The following BARX2 variants were observed in gnomAD, a reference collection of about 807,000 sequenced individuals.
The protein encoded by BARX2 is homeobox protein BarH-like 2.
A neutral mutation model predicts 25.5 loss-of-function variants in BARX2; 11 were observed. That is an observed-to-expected ratio of 0.43 (90% CI 0.27 to 0.71). The LOEUF is 0.71. BARX2 is among the 30% of genes least tolerant of loss of function. The probability of loss-of-function intolerance (pLI) is 0.19; values close to 1 mark genes in which losing one functional copy is unlikely to be tolerated. For missense variants in BARX2, 360 were observed against 359.9 expected, an observed-to-expected ratio of 1.00 and a Z score of 0.00; for synonymous variants, 137 against 149.5, an observed-to-expected ratio of 0.92 and a Z score of 0.61.
chr11:129,382,796 A>T (rs1861581530), intron 1 of BARX2, among the ~76,000 whole-genome samples: 1 of 152,094 alleles, frequency 6.6e-6, no homozygotes, highest in Non-Finnish European at 1.5e-5. Flanking sequence ...TTTCCCCGAG[A>T]ACTTGCTAAA....
chr11:129,448,836 CAT>C (rs1001377276), intron 3 of BARX2, among the ~76,000 whole-genome samples: 1 of 152,208 alleles, frequency 6.6e-6, no homozygotes, highest in Non-Finnish European at 1.5e-5. Context: ...ACGAACAAAA[CAT>C]AGTATATCCA....
intron 1 of BARX2, among the ~76,000 whole-genome samples, chr11:129,428,754 A>G (rs978517336): frequency 6.6e-6 from 1 of 152,178 alleles, no homozygotes; most frequent in Non-Finnish European, 1.5e-5. Context: ...TCAAATACCA[A>G]GAGCTCAAGA....
chr11:129,428,875 G>A (rs1013948027), intron 1 of BARX2, among the ~76,000 whole-genome samples: 26 of 152,186 alleles, frequency 1.7e-4, no homozygotes, highest in African/African-American at 2.4e-5. Context: ...TCACGGGGGC[G>A]CTCTCAGCCA....
intron 1 of BARX2, among the ~76,000 whole-genome samples, chr11:129,391,270 T>G (rs1055029521): frequency 6.6e-6 from 1 of 152,212 alleles, no homozygotes; most frequent in Non-Finnish European, 1.5e-5. Context: ...AAGCGGAACA[T>G]TTCGTGACCT....
At chr11:129,439,785 T>C (rs1862234846) in intron 2 of BARX2, among the ~76,000 whole-genome samples, 1 of 152,214 alleles carries the variant, frequency 6.6e-6, no homozygotes. Flanking sequence ...TAGCATATAA[T>C]TGAGAGCCTC....
At chr11:129,413,830 G>A (rs1230756049) in intron 1 of BARX2, among the ~76,000 whole-genome samples, 1 of 152,132 alleles carries the variant, frequency 6.6e-6, no homozygotes, top group African/African-American at 2.4e-5. Context: ...TTGGGAGGCC[G>A]AGGCAGGCGG....
intron 1 of BARX2, among the ~76,000 whole-genome samples, chr11:129,428,175 CTG>C (rs781157163): frequency 6.6e-6 from 1 of 152,204 alleles, no homozygotes; most frequent in African/African-American, 2.4e-5. Context: ...TCAACTAAAA[CTG>C]TGTGTTTAAA....
intron 1 of BARX2, among the ~76,000 whole-genome samples, chr11:129,420,550 G>A (rs1377844501): frequency 6.6e-6 from 1 of 152,188 alleles, no homozygotes; most frequent in Non-Finnish European, 1.5e-5. Flanking sequence ...TGTGTTATTA[G>A]CTATAAATCA....
intron 1 of BARX2, among the ~76,000 whole-genome samples, chr11:129,397,500 AC>A (rs1221510142): frequency 6.6e-6 from 1 of 152,224 alleles, no homozygotes; most frequent in Non-Finnish European, 1.5e-5. Flanking sequence ...ATTAAATTTA[AC>A]CCTTAAATGA....
chr11:129,423,459 G>T (rs955369276), intron 1 of BARX2, among the ~76,000 whole-genome samples: 2 of 152,100 alleles, frequency 1.3e-5, no homozygotes, highest in South Asian at 2.1e-4. Context: ...ATGTAATCAG[G>T]AACTTGCCTG....
In BARX2 at chr11:129,376,165, C is replaced by G. The variant is rs1861501357; in HGVS notation, c.130C>G (p.Leu44Val). 3.1e-6 allele frequency: 5 copies of G among 1,613,596 alleles called. No homozygotes were observed. Among genetic ancestry groups the G allele is most frequent in the Non-Finnish European group, 4.2e-6 (5 of 1,179,756 alleles). Residue 44 changes from leucine to valine, a missense_variant, in exon 1 of 4, where the codon CTC (leucine) becomes GTC (valine). By Grantham distance (32) the Leu-to-Val change is conservative (BLOSUM62 1). Around this residue, in one of 3 missense-constraint regions of BARX2, gnomAD observed 240 missense variants for 228.7 expected, o/e 1.05. Transcript: ENST00000281437. This position sits in a 1 kb window ranked among gnomAD's most constrained non-coding sequence, Gnocchi z 4.2. The stretch of plus-strand genomic sequence containing the variant: ...CTGCGATTACTTTGAGAAACTTTCC[C>G]TCTACTCCGTGTGCCCGTCGCTGGT... ...ETCDYFEKLS[L>V]YSVCPSLVVR...
At chr11:129,382,673 A>G (rs2323587) in intron 1 of BARX2, among the ~76,000 whole-genome samples, 122,915 of 152,010 alleles carry the variant, frequency 0.81, 50,104 homozygotes, top group Admixed American at 0.89. Flanking sequence ...ATAAATTAAC[A>G]CCTCATTTTG....
chr11:129,383,807 C>T (rs1343597436), intron 1 of BARX2, among the ~76,000 whole-genome samples: 1 of 152,168 alleles, frequency 6.6e-6, no homozygotes, highest in Non-Finnish European at 1.5e-5. Flanking sequence ...TCCAGCTTAC[C>T]AACATGTCCT....
intron 1 of BARX2, among the ~76,000 whole-genome samples, chr11:129,400,250 G>A (rs1401947429): frequency 6.6e-6 from 1 of 152,080 alleles, no homozygotes. Flanking sequence ...AGTAGTAAAG[G>A]GGTACAAACA....
At chr11:129,421,159 A>G (rs964791893) in intron 1 of BARX2, among the ~76,000 whole-genome samples, 2 of 152,166 alleles carry the variant, frequency 1.3e-5, no homozygotes, top group Non-Finnish European at 1.5e-5. Context: ...TTGCGAACCG[A>G]TGTGCATTGT....
intron 1 of BARX2, among the ~76,000 whole-genome samples, chr11:129,402,946 A>G (rs564210512): frequency 2.6e-5 from 4 of 152,364 alleles, no homozygotes; most frequent in African/African-American, 7.2e-5. Context: ...TGAGGAGCCA[A>G]ACAGCACACA....
At chr11:129,386,424 C>A (rs1861616902) in intron 1 of BARX2, among the ~76,000 whole-genome samples, 1 of 152,148 alleles carries the variant, frequency 6.6e-6, no homozygotes, top group African/African-American at 2.4e-5. Context: ...AGCTTCTTAG[C>A]AGGAAAGAAT....
At chr11:129,402,353 G>A (rs946638999) in intron 1 of BARX2, among the ~76,000 whole-genome samples, 2 of 152,072 alleles carry the variant, frequency 1.3e-5, no homozygotes, top group African/African-American at 4.8e-5. Context: ...CACTACACAG[G>A]ATTGTTATGA....
At chr11:129,394,245 T>TA (rs758271594) in intron 1 of BARX2, among the ~76,000 whole-genome samples, 1 of 152,362 alleles carries the variant, frequency 6.6e-6, no homozygotes, top group Non-Finnish European at 1.5e-5. Context: ...TTTTCATTGA[T>TA]AGAGTGTCCA....
Sources: allele counts gnomAD v4.1 joint callset (sites outside exome capture counted in the v4.1 genomes callset), GRCh38; gene constraint gnomAD v4.1.1; regional missense constraint gnomAD v4.1.1; non-coding constraint Gnocchi (gnomAD v3.1); transcripts MANE v1.5; gene names NCBI Gene and HGNC (gene_info 2026-07-23, HGNC 2026-07-21).